The following TPD52L1 variants were observed in gnomAD, a reference collection of about 807,000 sequenced individuals.
TPD52L1 encodes the protein TPD52 like 1, also known as tumor protein D53.
A neutral mutation model predicts 28.7 loss-of-function variants in TPD52L1; 18 were observed. The observed-to-expected ratio is 0.63, with a 90% CI of 0.43 to 0.93. The LOEUF is 0.93. TPD52L1 is among the 40% of genes least tolerant of loss of function. The probability of loss-of-function intolerance (pLI) is 0.00; values close to 1 mark genes in which losing one functional copy is unlikely to be tolerated. For synonymous variants in TPD52L1, 75 were observed against 88.8 expected, an observed-to-expected ratio of 0.84 and a Z score of 0.88; for missense variants, 203 against 254.8, an observed-to-expected ratio of 0.80 and a Z score of 1.39.
chr6:125,263,063 C>A lies in TPD52L1; in HGVS notation c.*101C>A. On this transcript the variant is annotated 3_prime_UTR_variant, in exon 7 of 7. Transcript: ENST00000534000. ...AAGACCAAAATCCCGCTGGGAAAAA[C>A]CCAGGCCTTGACATTGTTATTCAAA... The A allele has an allele frequency of 7.2e-7, 1 of 1,392,956 alleles. No homozygotes were observed. The highest frequency in any genetic ancestry group is 9.4e-7 in the Non-Finnish European group (1 of 1,059,114). The allele number at this position is 1,392,956 out of a possible 1,614,324, so 86.3% of individuals were successfully genotyped here. A position where few individuals can be genotyped will look rare whatever the true frequency, so the allele number is the denominator to read the frequency against.
At chr6:125,184,800 A>T (rs1355725421) in intron 1 of TPD52L1, among the ~76,000 whole-genome samples, 1 of 152,198 alleles carries the variant, frequency 6.6e-6, no homozygotes, top group East Asian at 1.9e-4. Flanking sequence ...AGAGGAAAAG[A>T]GGAGAAACCA....
At chr6:125,245,487 T>G (rs1796871400) in intron 3 of TPD52L1, among the ~76,000 whole-genome samples, 1 of 152,174 alleles carries the variant, frequency 6.6e-6, no homozygotes, top group Non-Finnish European at 1.5e-5. Flanking sequence ...TTATGTCTTC[T>G]GTGTTCTGCT....
At chr6:125,248,124 C>A (rs1337647027) in intron 3 of TPD52L1, among the ~76,000 whole-genome samples, 158 bp from the exon 4 acceptor site, 1 of 152,200 alleles carries the variant, frequency 6.6e-6, no homozygotes, top group Non-Finnish European at 1.5e-5. Context: ...AGCAGCCAAC[C>A]CATCATCCCC....
At chr6:125,229,660 C>T (rs1582975083) in intron 3 of TPD52L1, among the ~76,000 whole-genome samples, 1 of 152,124 alleles carries the variant, frequency 6.6e-6, no homozygotes, top group Admixed American at 6.5e-5. Context: ...GTATGTCTTC[C>T]AAAAGTGGTT....
chr6:125,243,197 T>C (rs971487952), intron 3 of TPD52L1, among the ~76,000 whole-genome samples: 1 of 152,186 alleles, frequency 6.6e-6, no homozygotes, highest in Non-Finnish European at 1.5e-5. Flanking sequence ...AGGTTTTCCT[T>C]AATAGGTTAC....
At chr6:125,184,813 A>T (rs1414553147) in intron 1 of TPD52L1, among the ~76,000 whole-genome samples, 1 of 152,196 alleles carries the variant, frequency 6.6e-6, no homozygotes, top group Non-Finnish European at 1.5e-5. Flanking sequence ...AGAAACCAAC[A>T]AAGTAAACTA....
rs112570367 is a variant in TPD52L1, at chr6:125,204,483, A to AT, written c.20-15590dup. On this transcript the variant is annotated intron_variant, in intron 1 of 6. Transcript: ENST00000534000. Reference sequence around the variant, plus strand: ...TCCCTGGCTAGTTATCAGATTTTTTATTTTTATTTTTTTTTCGACGGAGTC... The same window carrying AT: ...TCCCTGGCTAGTTATCAGATTTTTTATTTTTTATTTTTTTTTCGACGGAGTC... 1.7e-4 allele frequency among the ~76,000 whole-genome samples: 25 copies of AT among 148,462 alleles called. No individual in the cohort carries two copies. In the East Asian group the frequency reaches 2.0e-3, roughly 12 times the overall value.
chr6:125,257,297 C>G (rs1230133223), intron 6 of TPD52L1, 139 bp downstream of exon 6: 1 of 611,586 alleles, frequency 1.6e-6, no homozygotes, highest in East Asian at 2.8e-5. Flanking sequence ...ACATATAAAT[C>G]TATGAATAAA....
chr6:125,202,131 C>T (rs755647570), intron 1 of TPD52L1, among the ~76,000 whole-genome samples: 5 of 152,114 alleles, frequency 3.3e-5, no homozygotes, highest in South Asian at 2.1e-4. Context: ...GTCTAACCCT[C>T]GCCTTTGCAT....
At chr6:125,241,244 A>AT (rs1043096102) in intron 3 of TPD52L1, among the ~76,000 whole-genome samples, 6 of 151,842 alleles carry the variant, frequency 4.0e-5, no homozygotes, top group Admixed American at 3.3e-4. Flanking sequence ...TTTGTTGAGG[A>AT]TTTTTGTGTC....
intron 1 of TPD52L1, among the ~76,000 whole-genome samples, chr6:125,174,778 C>T (rs759126787): frequency 4.6e-5 from 7 of 152,158 alleles, no homozygotes; most frequent in East Asian, 1.9e-4. Context: ...ATCCTATTTC[C>T]GGTCTCTTGT....
At chr6:125,205,685 G>C (rs1429218116) in intron 1 of TPD52L1, among the ~76,000 whole-genome samples, 2 of 152,072 alleles carry the variant, frequency 1.3e-5, no homozygotes, top group African/African-American at 4.8e-5. Flanking sequence ...TTAACTGTTG[G>C]GTACCATATA....
chr6:125,208,673 G>C (rs1247553697), intron 1 of TPD52L1, among the ~76,000 whole-genome samples: 1 of 152,158 alleles, frequency 6.6e-6, no homozygotes, highest in East Asian at 1.9e-4. Context: ...CTCATGCTAG[G>C]ACATGTGGAG....
intron 1 of TPD52L1, among the ~76,000 whole-genome samples, chr6:125,201,391 T>A (rs192816419): frequency 1.3e-5 from 2 of 152,298 alleles, no homozygotes; most frequent in African/African-American, 2.4e-5. Flanking sequence ...GTATACAGTG[T>A]GGGTATATTA....
chr6:125,195,621 G>A (rs568522217), intron 1 of TPD52L1, among the ~76,000 whole-genome samples: 8 of 152,134 alleles, frequency 5.3e-5, no homozygotes, highest in Non-Finnish European at 1.0e-4. Context: ...TTGTTGTCTT[G>A]GTCCAGTCAA....
At chr6:125,211,291 C>CTATG (rs1562292236) in intron 1 of TPD52L1, among the ~76,000 whole-genome samples, 1 of 150,552 alleles carries the variant, frequency 6.6e-6, no homozygotes, top group Non-Finnish European at 1.5e-5. Flanking sequence ...ATCTATCTAT[C>CTATG]TATCTATCTA....
intron 1 of TPD52L1, among the ~76,000 whole-genome samples, chr6:125,157,866 T>C (rs1409582640): frequency 6.6e-6 from 1 of 152,190 alleles, no homozygotes; most frequent in Admixed American, 6.5e-5. Context: ...TGCTGTCTCA[T>C]TGTTTGGCGG....
intron 1 of TPD52L1, among the ~76,000 whole-genome samples, chr6:125,180,250 G>T (rs181642127): frequency 6.6e-6 from 1 of 151,568 alleles, no homozygotes; most frequent in East Asian, 2.0e-4. Flanking sequence ...CATCATATAT[G>T]ATGTTATAAG....
intron 1 of TPD52L1, among the ~76,000 whole-genome samples, chr6:125,212,070 G>A (rs1268051543): frequency 1.3e-5 from 2 of 152,124 alleles, no homozygotes; most frequent in East Asian, 3.9e-4. Flanking sequence ...TTTTTCACTT[G>A]GGGAATACAT....
Sources: gnomAD v4.1 joint callset for allele counts (sites outside exome capture counted in the v4.1 genomes callset) on GRCh38, gnomAD v4.1.1 for gene constraint, MANE v1.5 for transcripts, NCBI Gene and HGNC (gene_info 2026-07-23, HGNC 2026-07-21) for gene names.